The following RGS22 variants were observed in gnomAD, a reference collection of about 807,000 sequenced individuals.
The protein encoded by RGS22 is regulator of G-protein signaling 22.
In RGS22, 148 loss-of-function variants were observed where a neutral mutation model predicts 172.9. The ratio of observed to expected loss-of-function variants is 0.86; its 90% CI spans 0.75 to 0.98. The LOEUF (loss-of-function observed/expected upper bound fraction) is 0.98, where lower values mean the gene tolerates loss of function less well. Among genes scored for constraint, RGS22 ranks in the 50% least tolerant of loss-of-function variants. The pLI is 0.00. For missense variants in RGS22, 1,347 were observed against 1,440.8 expected (o/e 0.93, Z 1.05); for synonymous variants, 458 against 480.2 (o/e 0.95, Z 0.60).
chr8:99,995,389 G>A (rs991225404), intron 20 of RGS22, among the ~76,000 whole-genome samples: 4 of 152,178 alleles, frequency 2.6e-5, no homozygotes, highest in African/African-American at 7.2e-5. Flanking sequence ...TTAATATCCA[G>A]AATCTACGAA....
chr8:100,094,320 A>T (rs1812801170), intron 2 of RGS22, among the ~76,000 whole-genome samples: 1 of 150,484 alleles, frequency 6.6e-6, no homozygotes, highest in South Asian at 2.1e-4. Flanking sequence ...TGCAAATCTA[A>T]CATGAAAGTT....
At chr8:100,066,048 C>T (rs1227081504) in intron 7 of RGS22, 119 bp downstream of exon 7, 3 of 822,574 alleles carry the variant, frequency 3.6e-6, no homozygotes, top group Non-Finnish European at 3.6e-6. Context: ...TCGAGTGAGG[C>T]AAAGCGTATG....
Position 100,063,862 on chromosome 8 carries a change from A to G in RGS22, c.906T>C (p.Asp302=). ...RVYLEKKQDV[D]ESLTMHFSTC... ...TTGAGAAATGCATTGTCAGGCTTTC[A>G]TCAACATCCTGTTTCTTTTCAAGGT... The change falls in exon 8 of 28, where the codon GAT becomes GAC. Residue 302 remains aspartate, a synonymous_variant. Transcript: ENST00000360863. The G allele has an allele frequency of 6.2e-7, 1 of 1,611,840 alleles. No individual in the cohort carries two copies. Among genetic ancestry groups the G allele is most frequent in the Non-Finnish European group, 8.5e-7 (1 of 1,179,118 alleles).
intron 2 of RGS22, among the ~76,000 whole-genome samples, chr8:100,098,362 G>GAT (rs1813146710): frequency 6.6e-6 from 1 of 152,142 alleles, no homozygotes; most frequent in Non-Finnish European, 1.5e-5. Flanking sequence ...ATTAAAAGAA[G>GAT]AGATATTGTC....
At chr8:100,011,596 G>T (rs1816393587) in intron 14 of RGS22, among the ~76,000 whole-genome samples, 1 of 152,180 alleles carries the variant, frequency 6.6e-6, no homozygotes, top group African/African-American at 2.4e-5. Flanking sequence ...AAGGATTATA[G>T]TTCAGGACCT....
intron 23 of RGS22, 81 bp downstream of exon 23, chr8:99,977,836 C>T (rs914923527): frequency 5.9e-5 from 72 of 1,217,766 alleles, no homozygotes; most frequent in Non-Finnish European, 8.2e-5. Flanking sequence ...CTATATATCC[C>T]CAGACAAAAT....
rs548269789 is a variant in RGS22 at position 99,977,156 on chromosome 8, T to C, written c.3519+761A>G. On this transcript the variant is annotated intron_variant, in intron 23 of 27. Transcript: ENST00000360863. ...TATCACTCTGTCACCCAGGCCAGAG[T>C]GTAGTGGCATAATCTTGGCTCACTG... Among the ~76,000 whole-genome samples the C allele has an allele frequency of 1.6e-4, 24 of 151,198 alleles. No individual in the cohort carries two copies. In the East Asian group the frequency reaches 4.5e-3, roughly 28 times the overall value.
At chr8:100,032,018 C>A (rs1293381086) in intron 14 of RGS22, among the ~76,000 whole-genome samples, 1 of 152,118 alleles carries the variant, frequency 6.6e-6, no homozygotes, top group Non-Finnish European at 1.5e-5. Flanking sequence ...CTGAAGGAAG[C>A]ACTAAACATG....
intron 21 of RGS22, among the ~76,000 whole-genome samples, chr8:99,986,093 G>A (rs1430742048): frequency 2.0e-5 from 3 of 151,958 alleles, no homozygotes; most frequent in African/African-American, 4.8e-5. Context: ...AGCCAGGCAT[G>A]GTGGTGCATG....
chr8:100,006,299 T>C (rs1377802341), intron 15 of RGS22, among the ~76,000 whole-genome samples, 190 bp from the exon 16 acceptor site: 1 of 152,192 alleles, frequency 6.6e-6, no homozygotes, highest in East Asian at 1.9e-4. Flanking sequence ...AATGCATACA[T>C]TTCTATGTAA....
intron 13 of RGS22, 30 bp downstream of exon 13, chr8:100,039,932 A>G (rs761481678): frequency 7.6e-7 from 1 of 1,311,798 alleles, no homozygotes; most frequent in South Asian, 1.8e-5. Context: ...GTAAAATTAT[A>G]AAATTAAATT....
intron 9 of RGS22, among the ~76,000 whole-genome samples, chr8:100,059,375 T>C (rs910058379): frequency 2.6e-5 from 4 of 151,812 alleles, no homozygotes; most frequent in African/African-American, 7.3e-5. Flanking sequence ...CCCATTGATA[T>C]GGTGCCTACA....
intron 9 of RGS22, among the ~76,000 whole-genome samples, chr8:100,056,228 G>A (rs1010313551): frequency 2.0e-5 from 3 of 152,138 alleles, no homozygotes; most frequent in African/African-American, 4.8e-5. Context: ...ACTTGAGAGA[G>A]ATGATTTAGG....
chr8:99,995,508 A>C (rs1814266878), intron 20 of RGS22, among the ~76,000 whole-genome samples: 1 of 152,240 alleles, frequency 6.6e-6, no homozygotes, highest in African/African-American at 2.4e-5. Flanking sequence ...AGACATGAAA[A>C]TATGCTCATC....
rs566742873 is a variant in RGS22 at position 99,987,423 on chromosome 8, A to T, written c.3180+35T>A. Reference sequence around the variant, plus strand: ...GACATTTTAATGCATTTCCTCCTCAAAACAGGTGGTTTTCTCTAGCTCCCA... The same window carrying T: ...GACATTTTAATGCATTTCCTCCTCATAACAGGTGGTTTTCTCTAGCTCCCA... On this transcript the variant is annotated intron_variant, in intron 21 of 27. Coordinates refer to ENST00000360863, the MANE Select transcript of RGS22 (RefSeq NM_015668.5). The T allele has an allele frequency of 8.6e-6, 13 of 1,508,326 alleles. 1 individual carries two copies. The South Asian group carries it at 1.7e-4, about 20-fold the overall frequency. 93.4% of individuals were successfully genotyped at this position (1,508,326 alleles called of 1,614,324 possible).
chr8:100,084,164 G>T (rs1811994830), intron 3 of RGS22, among the ~76,000 whole-genome samples: 1 of 152,148 alleles, frequency 6.6e-6, no homozygotes, highest in Non-Finnish European at 1.5e-5. Context: ...GCTTACTGTG[G>T]ATGCTGTGGA....
chr8:100,034,193 C>T (rs1819178601), intron 14 of RGS22, among the ~76,000 whole-genome samples: 1 of 152,198 alleles, frequency 6.6e-6, no homozygotes. Context: ...TCGCAGATGA[C>T]ATGATTGTAT....
At chr8:100,050,628 T>TAATA (rs1821179100) in intron 10 of RGS22, among the ~76,000 whole-genome samples, 1 of 152,220 alleles carries the variant, frequency 6.6e-6, no homozygotes, top group Admixed American at 6.5e-5. Context: ...CTACTATGAT[T>TAATA]AATAAGGCTC....
chr8:100,015,511 T>A (rs1420392114), intron 14 of RGS22, among the ~76,000 whole-genome samples: 1 of 152,172 alleles, frequency 6.6e-6, no homozygotes, highest in Non-Finnish European at 1.5e-5. Flanking sequence ...CAGGCTGGTC[T>A]TGAGCTCCTG....
Sources: gnomAD v4.1 joint callset for allele counts (sites outside exome capture counted in the v4.1 genomes callset) on GRCh38, gnomAD v4.1.1 for gene constraint, MANE v1.5 for transcripts, NCBI Gene and HGNC (gene_info 2026-07-23, HGNC 2026-07-21) for gene names.